The following COX7B2 variants were observed in gnomAD, a reference collection of about 807,000 sequenced individuals.
The protein encoded by COX7B2 is cytochrome c oxidase subunit 7B2, also known as cytochrome c oxidase subunit 7B2, mitochondrial.
For synonymous variants in COX7B2, 37 were observed against 32.1 expected (o/e 1.15, Z -0.51); for missense variants, 109 against 95.9 (o/e 1.14, Z -0.57).
intron 2 of COX7B2, among the ~76,000 whole-genome samples, chr4:46,828,756 G>A (rs550555607): frequency 6.6e-6 from 1 of 152,126 alleles, no homozygotes; most frequent in Non-Finnish European, 1.5e-5. Flanking sequence ...ATCAATATAT[G>A]GAGTAATATT....
At chr4:46,737,120 G>T (rs1024836922) in intron 2 of COX7B2, among the ~76,000 whole-genome samples, 3 of 152,250 alleles carry the variant, frequency 2.0e-5, no homozygotes, top group South Asian at 2.1e-4. Flanking sequence ...ATTTGATGTT[G>T]TTAGTGTTCT....
chr4:46,760,697 T>C (rs1577673278), intron 2 of COX7B2, among the ~76,000 whole-genome samples: 1 of 152,162 alleles, frequency 6.6e-6, no homozygotes, highest in East Asian at 1.9e-4. Flanking sequence ...CCCCAGAACT[T>C]ATAGTTAAAA....
intron 2 of COX7B2, among the ~76,000 whole-genome samples, chr4:46,808,388 T>C (rs1391136159): frequency 2.0e-5 from 3 of 151,890 alleles, no homozygotes; most frequent in Non-Finnish European, 4.4e-5. Flanking sequence ...ATCCTTCAAC[T>C]TTGCCATATT....
intron 2 of COX7B2, among the ~76,000 whole-genome samples, chr4:46,811,289 T>C (rs1485023930): frequency 1.3e-5 from 2 of 152,064 alleles, no homozygotes; most frequent in East Asian, 1.9e-4. Context: ...AATAATCAAA[T>C]ATTTATTCAC....
rs746084227 is a variant in COX7B2 at position 46,735,027 on chromosome 4, A to G, written c.166T>C (p.Phe56Leu). ...TCTATTCCAATCTGAGTGGCTGTAA[A>G]CACCCATGTAGCAACACAGAAAGCA... ...GTAFCVATWVFTATQIGIEWN... is the reference protein window; with the variant it reads ...GTAFCVATWVLTATQIGIEWN... Residue 56 changes from phenylalanine (F) to leucine (L), a missense_variant, in exon 3 of 3, where the codon TTT (phenylalanine) becomes CTT (leucine). Physicochemically the swap from Phe to Leu is conservative, Grantham distance 22. Coordinates refer to ENST00000355591, the MANE Select transcript of COX7B2 (RefSeq NM_130902.3). 2.5e-6 allele frequency: 4 copies of G among 1,613,914 alleles called. No homozygotes were observed. In the East Asian group the frequency reaches 8.9e-5, roughly 36 times the overall value.
At chr4:46,836,419 C>G (rs1715519626) in intron 2 of COX7B2, among the ~76,000 whole-genome samples, 1 of 150,980 alleles carries the variant, frequency 6.6e-6, no homozygotes, top group African/African-American at 2.4e-5. Flanking sequence ...TGGCCTAGAC[C>G]TAGAAAGAGT....
At chr4:46,851,774 T>A (rs1438871067) in intron 1 of COX7B2, among the ~76,000 whole-genome samples, 2 of 152,152 alleles carry the variant, frequency 1.3e-5, no homozygotes, top group Non-Finnish European at 2.9e-5. Context: ...TAATGATCTA[T>A]CAAATTACAA....
chr4:46,882,078 T>C (rs1718782513), intron 1 of COX7B2, among the ~76,000 whole-genome samples: 1 of 152,220 alleles, frequency 6.6e-6, no homozygotes, highest in Non-Finnish European at 1.5e-5. Context: ...GAGCATATTG[T>C]TTAATTTCCA....
At chr4:46,769,428 T>C (rs1030423815) in intron 2 of COX7B2, among the ~76,000 whole-genome samples, 3 of 152,146 alleles carry the variant, frequency 2.0e-5, no homozygotes, top group African/African-American at 7.2e-5. Flanking sequence ...ATATGATATA[T>C]CACATTAAGA....
intron 1 of COX7B2, among the ~76,000 whole-genome samples, chr4:46,889,946 AC>A (rs1405384310): frequency 6.8e-6 from 1 of 147,272 alleles, no homozygotes; most frequent in Admixed American, 6.8e-5. Context: ...AGTCTGGGTT[AC>A]TTTTATTATG....
chr4:46,872,602 T>C (rs1042109904), intron 1 of COX7B2, among the ~76,000 whole-genome samples: 1 of 152,180 alleles, frequency 6.6e-6, no homozygotes, highest in African/African-American at 2.4e-5. Context: ...TTCTTAATTC[T>C]ATCTCAGGAA....
rs111963129 is a variant in COX7B2 at position 46,766,636 on chromosome 4, G to A, written c.-49-31395C>T. Among the ~76,000 whole-genome samples, 826 of 151,540 alleles carry A rather than the reference G, an allele frequency of 5.5e-3. 7 individuals are homozygous for A. Among genetic ancestry groups the A allele is most frequent in the African/African-American group, 0.019 (766 of 41,336 alleles). On this transcript the variant is annotated intron_variant, in intron 2 of 2. Transcript: ENST00000355591. ...AGAATCTCTTGACCCAGGAGGCAGA[G>A]GTTGTAGTGAGTTGAGATTATGCCA...
intron 2 of COX7B2, among the ~76,000 whole-genome samples, chr4:46,821,269 A>G (rs1047708469): frequency 2.6e-5 from 4 of 152,216 alleles, no homozygotes; most frequent in African/African-American, 9.6e-5. Context: ...CAAAGAAAAT[A>G]TTGTTAGATA....
chr4:46,848,314 G>C (rs1424020567), intron 1 of COX7B2, among the ~76,000 whole-genome samples: 1 of 151,842 alleles, frequency 6.6e-6, no homozygotes, highest in Non-Finnish European at 1.5e-5. Flanking sequence ...GACATGCTTG[G>C]ATTGGCTTTT....
At chr4:46,781,805 G>A (rs1428248189) in intron 2 of COX7B2, among the ~76,000 whole-genome samples, 2 of 152,230 alleles carry the variant, frequency 1.3e-5, no homozygotes, top group Non-Finnish European at 2.9e-5. Context: ...CCCAAGCAGT[G>A]AGAGGCTTAG....
At chr4:46,771,179 G>T (rs1488334416) in intron 2 of COX7B2, among the ~76,000 whole-genome samples, 1 of 152,120 alleles carries the variant, frequency 6.6e-6, no homozygotes, top group Non-Finnish European at 1.5e-5. Flanking sequence ...ATCCATAGAA[G>T]ACATGCAAAC....
At chr4:46,848,155 C>A (rs116433519) in intron 1 of COX7B2, among the ~76,000 whole-genome samples, 1 of 151,974 alleles carries the variant, frequency 6.6e-6, no homozygotes, top group African/African-American at 2.4e-5. Flanking sequence ...CTCCTAAGAC[C>A]CAATTAGTGT....
intron 1 of COX7B2, among the ~76,000 whole-genome samples, chr4:46,898,269 A>G (rs906775882): frequency 1.3e-5 from 2 of 152,166 alleles, no homozygotes; most frequent in South Asian, 4.1e-4. Context: ...TATTCCATTC[A>G]TAACTTAGGT....
intron 1 of COX7B2, among the ~76,000 whole-genome samples, chr4:46,852,552 GAATACACA>G (rs1393318966): frequency 6.7e-6 from 1 of 148,182 alleles, no homozygotes; most frequent in African/African-American, 2.5e-5. Flanking sequence ...ATATAAATAT[GAATACACA>G]AATACACACA....
Sources: allele counts gnomAD v4.1 joint callset (sites outside exome capture counted in the v4.1 genomes callset), GRCh38; gene constraint gnomAD v4.1.1; transcripts MANE v1.5; gene names NCBI Gene and HGNC (gene_info 2026-07-23, HGNC 2026-07-21).